The following EVC variants were observed in gnomAD, a reference collection of about 807,000 sequenced individuals.
The protein encoded by EVC is EvC ciliary complex subunit 1.
In EVC, 116 loss-of-function variants were observed where a neutral mutation model predicts 118.9. The ratio of observed to expected loss-of-function variants is 0.98; its 90% confidence interval spans 0.84 to 1.14. The LOEUF (loss-of-function observed/expected upper bound fraction) is 1.14, where lower values mean the gene tolerates loss of function less well. Ranked by LOEUF, EVC falls within the 50% of genes most tolerant of loss-of-function variation. The pLI, the probability that EVC is intolerant of heterozygous loss-of-function variation, is 0.00. For missense variants in EVC, 1,401 were observed against 1,246.4 expected (o/e 1.12, Z -1.87); for synonymous variants, 619 against 534.7 (o/e 1.16, Z -2.18).
chr4:5,815,626 C>T (rs1207251926), downstream of EVC, among the ~76,000 whole-genome samples: 1 of 152,182 alleles, frequency 6.6e-6, no homozygotes, highest in Non-Finnish European at 1.5e-5. Flanking sequence ...GGGAGAGGGG[C>T]CAGGGAAGTC....
rs1244786516 is a variant in EVC, at chr4:5,762,356, A to C, written c.1563+5994A>C. Among the ~76,000 whole-genome samples, 474 of 139,290 alleles carry C rather than the reference A, an allele frequency of 3.4e-3. 2 individuals carry two copies. Among genetic ancestry groups the C allele is most frequent in the Non-Finnish European group, 5.4e-3 (348 of 64,340 alleles). The allele number at this position is 139,290 out of a possible 152,430, so 91.4% of individuals were successfully genotyped here. Reference sequence around the variant, plus strand: ...TTGCTATTGTGAATAGTGCCGCAATAAACATACGTGTGCATGTGTCTTTAT... The same window carrying C: ...TTGCTATTGTGAATAGTGCCGCAATCAACATACGTGTGCATGTGTCTTTAT... On this transcript the variant is annotated intron_variant, in intron 11 of 20. Transcript: ENST00000264956.
intron 11 of EVC, among the ~76,000 whole-genome samples, chr4:5,768,223 T>A (rs6817935): frequency 0.14 from 20,945 of 152,094 alleles, 1,620 homozygotes; most frequent in African/African-American, 0.16. Context: ...TTGCATTTAC[T>A]TCTGAGTGAG....
At chr4:5,718,147 G>C (rs9996194) in intron 1 of EVC, among the ~76,000 whole-genome samples, 122,312 of 152,146 alleles carry the variant, frequency 0.8, 49,516 homozygotes, top group African/African-American at 0.89. Flanking sequence ...ATTCATGGTA[G>C]TTATGTTCTG....
rs530854856 is a variant in EVC at position 5,731,270 on chromosome 4, C to T, written c.385-155C>T. Among the ~76,000 whole-genome samples the T allele has an allele frequency of 2.6e-5, 4 of 151,934 alleles. No individual in the cohort carries two copies. Among genetic ancestry groups the T allele is most frequent in the African/African-American group, 4.8e-5 (2 of 41,324 alleles). On this transcript the variant is annotated intron_variant, in intron 3 of 20. Coordinates refer to ENST00000264956, the MANE Select transcript of EVC (RefSeq NM_153717.3). The surrounding 1 kb of genome is among the most constrained non-coding windows in gnomAD (Gnocchi z 5.6). ...GCTGTCGATGTGGCAGAACCTGGGA[C>T]GGAAACTCTGTGGTGTCTGCTGGCA...
intron 2 of EVC, among the ~76,000 whole-genome samples, chr4:5,725,179 A>G (rs1725614296): frequency 6.6e-6 from 1 of 152,214 alleles, no homozygotes. Flanking sequence ...TAGTGCAATG[A>G]ACATACACAT....
At chr4:5,767,434 G>C (rs924200506) in intron 11 of EVC, among the ~76,000 whole-genome samples, 3 of 150,360 alleles carry the variant, frequency 2.0e-5, no homozygotes, top group African/African-American at 7.3e-5. Flanking sequence ...CCACCCAGTT[G>C]CAGCTTCCAG....
intron 11 of EVC, among the ~76,000 whole-genome samples, chr4:5,762,022 A>G (rs1322254830): frequency 2.7e-5 from 4 of 149,270 alleles, no homozygotes; most frequent in African/African-American, 9.9e-5. Flanking sequence ...ATCTAGCATT[A>G]GGTATATCTC....
intron 12 of EVC, among the ~76,000 whole-genome samples, chr4:5,784,353 A>G (rs1736098635): frequency 6.6e-6 from 1 of 152,134 alleles, no homozygotes; most frequent in African/African-American, 2.4e-5. Context: ...TGTTCTAAGC[A>G]GAGGTCGGAA....
Position 5,813,708 on chromosome 4 carries a change from T to C in EVC, c.*2671T>C, listed in dbSNP as rs1478811220. ...CTTCTCCTCTGAGAAGGCTCCCGGC[T>C]GCCTCCCCGCCACCGAGCTTGTAGC... On this transcript the variant is annotated 3_prime_UTR_variant, in exon 21 of 21. Coordinates refer to ENST00000264956, the MANE Select transcript of EVC (RefSeq NM_153717.3). 6.6e-6 allele frequency: 1 copy of C among 152,220 alleles called. No individual in the cohort carries two copies. Among genetic ancestry groups the C allele is most frequent in the Non-Finnish European group, 1.5e-5 (1 of 68,074 alleles). The allele number at this position is 152,220 out of a possible 1,614,324, so 9.4% of individuals were successfully genotyped here. A position where few individuals can be genotyped will look rare whatever the true frequency, so the allele number is the denominator to read the frequency against.
At chr4:5,817,751 G>C (rs1424486145), downstream of EVC, among the ~76,000 whole-genome samples, 1 of 152,182 alleles carries the variant, frequency 6.6e-6, no homozygotes, top group Non-Finnish European at 1.5e-5. Flanking sequence ...GAGTAGCTCT[G>C]TTGAGTCTAT....
Position 5,748,538 on chromosome 4 carries a change from A to G in EVC, c.1098+232A>G, listed in dbSNP as rs56287837. On this transcript the variant is annotated intron_variant, in intron 8 of 20. Transcript: ENST00000264956. ...CTTCCATCCATCCATCCATCTACCCATCCATCCATCTGCCCTCCCACCCAT... is the reference window on the plus strand; with the variant it reads ...CTTCCATCCATCCATCCATCTACCCGTCCATCCATCTGCCCTCCCACCCAT... Among the ~76,000 whole-genome samples, 18,956 of 89,844 alleles carry G rather than the reference A, an allele frequency of 0.21. 4,588 individuals are homozygous for G. Among genetic ancestry groups the G allele is most frequent in the East Asian group, 0.37 (937 of 2,516 alleles). 58.9% of individuals were successfully genotyped at this position (89,844 alleles called of 152,430 possible).
chr4:5,715,738 G>GCCCTT (rs1464326534), intron 1 of EVC, among the ~76,000 whole-genome samples: 2 of 60,444 alleles, frequency 3.3e-5, no homozygotes, highest in African/African-American at 1.7e-4. Flanking sequence ...TTTTTCCATT[G>GCCCTT]TCTTTTTTTT....
intron 11 of EVC, among the ~76,000 whole-genome samples, chr4:5,766,556 T>G (rs1333730465): frequency 8.1e-6 from 1 of 123,094 alleles, no homozygotes; most frequent in Non-Finnish European, 1.7e-5. Flanking sequence ...AGACGTAGAT[T>G]TGGTCTTTTC....
At chr4:5,790,192 A>AAAG (rs1712506416) in intron 12 of EVC, among the ~76,000 whole-genome samples, 1 of 151,588 alleles carries the variant, frequency 6.6e-6, no homozygotes, top group Non-Finnish European at 1.5e-5. Flanking sequence ...AAAAAAAAAA[A>AAAG]AAAGACAACG....
intron 11 of EVC, among the ~76,000 whole-genome samples, chr4:5,758,484 G>C (rs953223264): frequency 6.6e-6 from 1 of 152,198 alleles, no homozygotes; most frequent in Non-Finnish European, 1.5e-5. Context: ...GAGTGAAGAA[G>C]TGTTTTCTCC....
At chr4:5,715,932 T>A (rs1032707489) in intron 1 of EVC, among the ~76,000 whole-genome samples, 2 of 151,998 alleles carry the variant, frequency 1.3e-5, no homozygotes, top group Admixed American at 1.3e-4. Context: ...TTAGTAGAGA[T>A]GGGGTTTCAC....
intron 11 of EVC, among the ~76,000 whole-genome samples, chr4:5,779,494 G>C (rs1337593851): frequency 1.3e-4 from 19 of 149,672 alleles, no homozygotes; most frequent in African/African-American, 2.3e-4. Context: ...TATTCCATTT[G>C]TTTGTATCCT....
the EVC span, chr4:5,825,862 TAC>T: frequency 0.01 from 5,759 of 552,852 alleles, 56 homozygotes; most frequent in Non-Finnish European, 0.013. This position sits in a 1 kb window ranked among gnomAD's most constrained non-coding sequence, Gnocchi z 4.4. Context: ...CAAGCATGCA[TAC>T]ACACACATCT....
At chr4:5,715,973 A>G (rs908128949) in intron 1 of EVC, among the ~76,000 whole-genome samples, 46 of 152,098 alleles carry the variant, frequency 3.0e-4, no homozygotes, top group African/African-American at 1.1e-3. Flanking sequence ...CGAACTCCTG[A>G]GCTCGTGATC....
Sources: gnomAD v4.1 joint callset for allele counts (sites outside exome capture counted in the v4.1 genomes callset) on GRCh38, gnomAD v4.1.1 for gene constraint, Gnocchi (gnomAD v3.1) non-coding constraint, MANE v1.5 for transcripts, NCBI Gene and HGNC (gene_info 2026-07-23, HGNC 2026-07-21) for gene names.